PTPRS: variants seen among roughly 807,000 people sequenced by gnomAD.
The protein encoded by PTPRS is protein tyrosine phosphatase receptor type S, also known as receptor-type tyrosine-protein phosphatase S.
PTPRS carries 63 observed loss-of-function variants against 215.3 expected under a neutral mutation model. The observed-to-expected ratio is 0.29, with a 90% CI of 0.24 to 0.36. The LOEUF (loss-of-function observed/expected upper bound fraction) is 0.36. PTPRS is among the 10% of genes least tolerant of loss of function. The pLI is 1.00. For missense variants in PTPRS, 2,258 were observed against 2,825.8 expected (o/e 0.80, Z 4.56); for synonymous variants, 1,404 against 1,191.4 (o/e 1.18, Z -3.68).
chr19:5,256,355 G>T (rs2045556619), intron 8 of PTPRS, among the ~76,000 whole-genome samples: 1 of 151,098 alleles, frequency 6.6e-6, no homozygotes, highest in African/African-American at 2.4e-5. Context: ...TACTACATTT[G>T]CCTTTCTCCA....
intron 9 of PTPRS, among the ~76,000 whole-genome samples, chr19:5,254,432 TA>T (rs1169738742): frequency 2.3e-5 from 3 of 129,450 alleles, no homozygotes; most frequent in African/African-American, 8.2e-5. Flanking sequence ...GGGTGTTTTT[TA>T]TTGGGGGTTG....
chr19:5,221,396 C>A, intron 19 of PTPRS, 143 bp from the exon 20 acceptor site: 1 of 1,103,110 alleles, frequency 9.1e-7, no homozygotes, highest in Non-Finnish European at 1.3e-6. Flanking sequence ...CTGACTGATC[C>A]CTGATCCCAG....
intron 18 of PTPRS, 24 bp downstream of exon 18, chr19:5,222,665 G>C (rs751628664): frequency 1.3e-6 from 2 of 1,532,102 alleles, no homozygotes; most frequent in Non-Finnish European, 1.7e-6. Context: ...TCCGGCTCTG[G>C]TGCAGGGGTC....
chr19:5,246,727 C>T (rs1349465765), intron 9 of PTPRS, among the ~76,000 whole-genome samples: 1 of 152,172 alleles, frequency 6.6e-6, no homozygotes, highest in African/African-American at 2.4e-5. Context: ...CCCACTTACC[C>T]GCCCCCTCCG....
intron 1 of PTPRS, among the ~76,000 whole-genome samples, chr19:5,288,134 C>T (rs2048519242): frequency 6.6e-6 from 1 of 152,140 alleles, no homozygotes; most frequent in Non-Finnish European, 1.5e-5. Flanking sequence ...AGGCAGTACA[C>T]ATACACAGTT....
rs773706905 is a variant in PTPRS, at chr19:5,210,555, G to A, written c.5401C>T (p.Arg1801Cys). 13 of 1,614,160 alleles carry A rather than the reference G, an allele frequency of 8.1e-6. No homozygotes were observed. Among genetic ancestry groups the A allele is most frequent in the East Asian group, 2.2e-5 (1 of 44,872 alleles). The change falls in exon 35 of 38, where the codon CGC (arginine) becomes TGC (cysteine). Residue 1801 changes from arginine (R) to cysteine (C), a missense_variant. Coordinates refer to ENST00000262963, the MANE Select transcript of PTPRS (RefSeq NM_002850.4). This position sits in a 1 kb window ranked among gnomAD's most constrained non-coding sequence, Gnocchi z 4.5. ...HQYWPAERSA[R>C]YQYFVVDPMA... ...GGATCTACCACAAAGTACTGGTAGC[G>A]GGCAGAGCGCTCGGCCGGCCAGTAC...
chr19:5,330,052 G>C (rs1482633614), intron 1 of PTPRS, among the ~76,000 whole-genome samples: 1 of 150,096 alleles, frequency 6.7e-6, no homozygotes, highest in Non-Finnish European at 1.5e-5. Context: ...ACTCCAGCCT[G>C]GGTGACAGAG....
At chr19:5,227,412 A>G (rs1380176254) in intron 16 of PTPRS, among the ~76,000 whole-genome samples, 1 of 71,246 alleles carries the variant, frequency 1.4e-5, no homozygotes, top group Non-Finnish European at 2.6e-5. Context: ...CAGCTGTAAC[A>G]ATTTTTTTTT....
At chr19:5,291,391 G>A (rs563329532) in intron 1 of PTPRS, among the ~76,000 whole-genome samples, 50 of 152,148 alleles carry the variant, frequency 3.3e-4, no homozygotes, top group African/African-American at 1.1e-3. Flanking sequence ...GCTCTCAGTC[G>A]AGCCCAGAGT....
Position 5,218,404 on chromosome 19 carries a change from A to G in PTPRS, c.4048+16T>C, listed in dbSNP as rs2041678632. The G allele has an allele frequency of 3.7e-6, 6 of 1,605,100 alleles. No homozygotes were observed. In the East Asian group the frequency reaches 6.7e-5, roughly 18 times the overall value. On this transcript the variant is annotated intron_variant, in intron 25 of 37. Transcript: ENST00000262963. ...CCCTGTTGGTGGCATCCCTGGTACCAGGGATAAGTACATACCTGGAGTCTG... is the reference window on the plus strand; with the variant it reads ...CCCTGTTGGTGGCATCCCTGGTACCGGGGATAAGTACATACCTGGAGTCTG...
Position 5,221,219 on chromosome 19 carries a change from C to T in PTPRS, c.3236G>A (p.Gly1079Asp), listed in dbSNP as rs767809989. 1 of 1,613,692 alleles carries T rather than the reference C, an allele frequency of 6.2e-7. No individual in the cohort carries two copies. Reference sequence around the variant, plus strand: ...CGTGATGAGCTTCTTGGTGGTACGGCCATCCACATCCAGTGTGAGCCCATT... The same window carrying T: ...CGTGATGAGCTTCTTGGTGGTACGGTCATCCACATCCAGTGTGAGCCCATT... ...QYNGLTLDVD[G>D]RTTKKLITHL... is the part of the protein sequence containing the mutation. Residue 1079 changes from glycine (G) to aspartate (D), a missense_variant, in exon 20 of 38, where the codon GGC (glycine) becomes GAC (aspartate). Physicochemically the swap from Gly to Asp is moderately conservative, Grantham distance 94. Around this residue, in one of 6 missense-constraint regions of PTPRS, gnomAD observed 927 missense variants for 1,125.9 expected, o/e 0.82. Transcript: ENST00000262963.
At chr19:5,258,610 T>C (rs2045753445) in intron 7 of PTPRS, among the ~76,000 whole-genome samples, 1 of 152,174 alleles carries the variant, frequency 6.6e-6, no homozygotes, top group African/African-American at 2.4e-5. Flanking sequence ...TGCCCGTGAG[T>C]AAATGAACAT....
At chr19:5,233,773 G>A (rs1294366465) in intron 13 of PTPRS, among the ~76,000 whole-genome samples, 2 of 151,008 alleles carry the variant, frequency 1.3e-5, no homozygotes, top group Non-Finnish European at 2.9e-5. Context: ...GTGAAACTCC[G>A]TCTCTACTAC....
chr19:5,304,749 T>C (rs538213496), intron 1 of PTPRS, among the ~76,000 whole-genome samples: 4 of 151,984 alleles, frequency 2.6e-5, no homozygotes, highest in African/African-American at 9.7e-5. Context: ...ATGGGAGAAA[T>C]TGCGCTGGGC....
chr19:5,303,992 G>A (rs1335354624), intron 1 of PTPRS, among the ~76,000 whole-genome samples: 1 of 123,762 alleles, frequency 8.1e-6, no homozygotes, highest in Admixed American at 8.7e-5. Context: ...AGCGCGGAGG[G>A]CTATGGCCCT....
At chr19:5,267,142 C>T (rs184389285) in intron 4 of PTPRS, among the ~76,000 whole-genome samples, 112 of 151,954 alleles carry the variant, frequency 7.4e-4, no homozygotes, top group African/African-American at 2.7e-3. Context: ...GTCTCCAGCG[C>T]TCGGTATCCC....
At position 5,338,794 on chromosome 19, in the gene PTPRS, G is replaced by T. The variant is rs117378260; in HGVS notation, c.-95+1870C>A. ...ATTAATAAACGCTCCAGCAGCTGCC[G>T]CTGGTATCGCAGGAGCAGAGGAGCG... On this transcript the variant is annotated intron_variant, in intron 1 of 37. Coordinates refer to ENST00000262963, the MANE Select transcript of PTPRS (RefSeq NM_002850.4). This position sits in a 1 kb window ranked among gnomAD's most constrained non-coding sequence, Gnocchi z 4.2. Among the ~76,000 whole-genome samples the T allele has an allele frequency of 3.3e-5, 5 of 152,176 alleles. No individual in the cohort carries two copies. The highest frequency in any genetic ancestry group is 1.2e-4 in the African/African-American group (5 of 41,434).
chr19:5,298,329 A>G (rs2049202054), intron 1 of PTPRS, among the ~76,000 whole-genome samples: 1 of 152,168 alleles, frequency 6.6e-6, no homozygotes, highest in Non-Finnish European at 1.5e-5. Flanking sequence ...GGATGTTCTC[A>G]AGCCTTTAAA....
intron 1 of PTPRS, among the ~76,000 whole-genome samples, chr19:5,317,959 C>G (rs1219210842): frequency 1.3e-5 from 2 of 152,176 alleles, no homozygotes; most frequent in Non-Finnish European, 2.9e-5. Flanking sequence ...ACCATGAGGT[C>G]AGGAGATCGA....
Sources: gnomAD v4.1 joint callset for allele counts (sites outside exome capture counted in the v4.1 genomes callset) on GRCh38, gnomAD v4.1.1 for gene constraint, gnomAD v4.1.1 regional missense constraint, Gnocchi (gnomAD v3.1) non-coding constraint, MANE v1.5 for transcripts, NCBI Gene and HGNC (gene_info 2026-07-23, HGNC 2026-07-21) for gene names.